The following CR1L variants were observed in gnomAD, a reference collection of about 807,000 sequenced individuals.
CR1L encodes complement C3b/C4b receptor 1 like.
Under a neutral mutation model 62.3 loss-of-function variants are expected in CR1L, and 59 were observed. The ratio of observed to expected loss-of-function variants is 0.95; its 90% confidence interval spans 0.77 to 1.18. The LOEUF (loss-of-function observed/expected upper bound fraction) is 1.18. Among genes scored for constraint, CR1L ranks in the 50% most tolerant of loss-of-function variants. The pLI, the probability that CR1L is intolerant of heterozygous loss-of-function variation, is 0.00. For missense variants in CR1L, 700 were observed against 702.8 expected (o/e 1.00, Z 0.04); for synonymous variants, 279 against 248.7 (o/e 1.12, Z -1.15).
At position 207,645,174 on chromosome 1, in the gene CR1L, G is replaced by C. The variant is rs569066729; in HGVS notation, c.-60G>C. 1.5e-3 allele frequency: 2,338 copies of C among 1,558,848 alleles called. 4 individuals carry two copies. Among genetic ancestry groups the C allele is most frequent in the Admixed American group, 2.0e-3 (120 of 59,770 alleles). On this transcript the variant is annotated 5_prime_UTR_variant, in exon 1 of 12. Transcript: ENST00000508064. ...GGACTCAGAAGGGACTTCCCTGCTC[G>C]GCTGGCTTTCGGTTTCTCTGCTCAC...
chr1:207,709,447 A>G (rs1664318891), intron 10 of CR1L, among the ~76,000 whole-genome samples: 1 of 152,118 alleles, frequency 6.6e-6, no homozygotes, highest in South Asian at 2.1e-4. Context: ...ATTAATATCC[A>G]ATAGAATAAA....
intron 1 of CR1L, among the ~76,000 whole-genome samples, chr1:207,676,894 G>A (rs1377096246): frequency 6.6e-6 from 1 of 152,068 alleles, no homozygotes; most frequent in East Asian, 1.9e-4. Context: ...GACCTCCAGT[G>A]ACCCACCCAC....
intron 10 of CR1L, chr1:207,710,497 G>C: frequency 6.2e-7 from 1 of 1,607,500 alleles, no homozygotes; most frequent in African/African-American, 1.3e-5. Context: ...GAAGCAGAGG[G>C]AGAAAGGTGT....
At chr1:207,663,583 G>C (rs1318066451) in intron 1 of CR1L, among the ~76,000 whole-genome samples, 3 of 152,224 alleles carry the variant, frequency 2.0e-5, no homozygotes, top group Non-Finnish European at 4.4e-5. Context: ...CTGACCCCTT[G>C]TGATTCCCAG....
At position 207,709,939 on chromosome 1, in the gene CR1L, G is replaced by C. The variant is rs545420414; in HGVS notation, c.1414+1676G>C. Among the ~76,000 whole-genome samples, 5 of 152,148 alleles carry C rather than the reference G, an allele frequency of 3.3e-5. No individual in the cohort carries two copies. In the South Asian group the frequency reaches 8.3e-4, roughly 25 times the overall value. On this transcript the variant is annotated intron_variant, in intron 10 of 11. Transcript: ENST00000508064. ...AACTCACAATATTATAAAATTGTAA[G>C]AATATATCTGTACATTAGTAAATAT... is the stretch of plus-strand genomic sequence containing the variant.
chr1:207,676,259 TA>T (rs202121060), intron 1 of CR1L, among the ~76,000 whole-genome samples: 10 of 151,932 alleles, frequency 6.6e-5, no homozygotes, highest in East Asian at 5.8e-4. Flanking sequence ...ATTTTTTTTT[TA>T]AAAAAAGAGC....
intron 10 of CR1L, among the ~76,000 whole-genome samples, chr1:207,713,612 G>C (rs1653877382): frequency 6.6e-6 from 1 of 152,224 alleles, no homozygotes; most frequent in South Asian, 2.1e-4. Context: ...CCTCTGGGAG[G>C]GGGTGTGTGA....
intron 4 of CR1L, among the ~76,000 whole-genome samples, chr1:207,693,868 A>G (rs1664031164): frequency 6.6e-6 from 1 of 152,116 alleles, no homozygotes; most frequent in Admixed American, 6.6e-5. Context: ...AAAATATTTA[A>G]CCCCCAGTAG....
At chr1:207,698,973 G>T (rs539634572) in intron 7 of CR1L, among the ~76,000 whole-genome samples, 1 of 152,138 alleles carries the variant, frequency 6.6e-6, no homozygotes, top group African/African-American at 2.4e-5. Flanking sequence ...TTCAATTCAA[G>T]CAGGACTATC....
intron 10 of CR1L, chr1:207,710,814 T>C: frequency 4.0e-6 from 6 of 1,515,390 alleles, no homozygotes; most frequent in Non-Finnish European, 5.5e-6. Flanking sequence ...AGAAGGGCCC[T>C]GCAAGTGACA....
Position 207,655,836 on chromosome 1 carries a change from T to C in CR1L, c.97+10506T>C, listed in dbSNP as rs367598790. Among the ~76,000 whole-genome samples the C allele has an allele frequency of 7.2e-5, 11 of 152,348 alleles. No individual in the cohort carries two copies. The East Asian group carries it at 1.5e-3, about 21-fold the overall frequency. On this transcript the variant is annotated intron_variant, in intron 1 of 11. Transcript: ENST00000508064. Reference sequence around the variant, plus strand: ...CAAAACAAAATAAAATTAGTGAGAATAGTGGCATTGTTCACATTTTTTGCA... The same window carrying C: ...CAAAACAAAATAAAATTAGTGAGAACAGTGGCATTGTTCACATTTTTTGCA...
intron 3 of CR1L, among the ~76,000 whole-genome samples, chr1:207,682,852 T>G (rs565155862): frequency 6.6e-6 from 1 of 152,296 alleles, no homozygotes; most frequent in African/African-American, 2.4e-5. Flanking sequence ...CTTTGAACAG[T>G]TTGAGACATA....
chr1:207,700,435 G>A (rs1271608841), intron 8 of CR1L, among the ~76,000 whole-genome samples: 1 of 152,092 alleles, frequency 6.6e-6, no homozygotes, highest in Non-Finnish European at 1.5e-5. Flanking sequence ...CAGTTCTAAT[G>A]AAAAATGCCA....
In CR1L at chr1:207,672,162, C is replaced by T. The variant is rs536766391; in HGVS notation, c.98-5227C>T. On this transcript the variant is annotated intron_variant, in intron 1 of 11. Coordinates refer to ENST00000508064, the MANE Select transcript of CR1L (RefSeq NM_175710.2). ...CCTATAAGACCATTTTAAATATAGA[C>T]AATATATATTAAAAGTAAATGGGTA... 2.0e-5 allele frequency among the ~76,000 whole-genome samples: 3 copies of T among 150,418 alleles called. No individual in the cohort carries two copies. The South Asian group carries it at 6.2e-4, about 31-fold the overall frequency.
At chr1:207,650,327 G>A (rs914428826) in intron 1 of CR1L, among the ~76,000 whole-genome samples, 2 of 152,164 alleles carry the variant, frequency 1.3e-5, no homozygotes, top group Non-Finnish European at 2.9e-5. Context: ...GAAAACCAGA[G>A]TGGTTTGCTC....
intron 9 of CR1L, among the ~76,000 whole-genome samples, chr1:207,704,164 C>T (rs12135901): frequency 0.13 from 19,183 of 152,022 alleles, 1,325 homozygotes; most frequent in East Asian, 0.23. Flanking sequence ...AAGTTGATTC[C>T]GACCCTCATG....
At chr1:207,677,948 A>G (rs1236025320) in intron 2 of CR1L, among the ~76,000 whole-genome samples, 1 of 152,268 alleles carries the variant, frequency 6.6e-6, no homozygotes, top group Non-Finnish European at 1.5e-5. Flanking sequence ...ATTGAATTAC[A>G]GATAATAACG....
chr1:207,668,095 G>A (rs1663550154), intron 1 of CR1L, among the ~76,000 whole-genome samples: 1 of 151,020 alleles, frequency 6.6e-6, no homozygotes, highest in South Asian at 2.1e-4. Context: ...TGGCCATTAT[G>A]GGAAATAGTA....
At chr1:207,684,845 T>C (rs928957675) in intron 4 of CR1L, among the ~76,000 whole-genome samples, 6 of 152,244 alleles carry the variant, frequency 3.9e-5, no homozygotes, top group Non-Finnish European at 7.3e-5. Flanking sequence ...ATCTTTGTCT[T>C]ACTCTTCTCT....
Sources: gnomAD v4.1 joint callset for allele counts (sites outside exome capture counted in the v4.1 genomes callset) on GRCh38, gnomAD v4.1.1 for gene constraint, MANE v1.5 for transcripts, NCBI Gene and HGNC (gene_info 2026-07-23, HGNC 2026-07-21) for gene names.